MFAP1: variants seen among roughly 807,000 people sequenced by gnomAD.
MFAP1 encodes microfibrillar-associated protein 1.
MFAP1 carries 18 observed loss-of-function variants against 62.2 expected under a neutral mutation model. That is an observed-to-expected ratio of 0.29 (90% CI 0.20 to 0.43). MFAP1 has a LOEUF of 0.43. Ranked by LOEUF, MFAP1 falls within the 20% of genes least tolerant of loss-of-function variation. The probability of loss-of-function intolerance (pLI) is 1.00; values close to 1 mark genes in which losing one functional copy is unlikely to be tolerated. For synonymous variants in MFAP1, 175 were observed against 180.4 expected, an observed-to-expected ratio of 0.97 and a Z score of 0.24; for missense variants, 355 against 559.7, an observed-to-expected ratio of 0.63 and a Z score of 3.69.
At chr15:43,819,399 C>T (rs1272778613) in intron 1 of MFAP1, among the ~76,000 whole-genome samples, 1 of 152,162 alleles carries the variant, frequency 6.6e-6, no homozygotes, top group Non-Finnish European at 1.5e-5. Flanking sequence ...GCCTCAGTCT[C>T]CCAAAGTGCT....
intron 4 of MFAP1, 140 bp downstream of exon 4, chr15:43,814,359 GTC>G (rs1253778564): frequency 1.2e-6 from 1 of 838,376 alleles, no homozygotes; most frequent in Non-Finnish European, 1.8e-6. Context: ...TCAGCAGCTA[GTC>G]TGCCAAGGGT....
Position 43,815,063 on chromosome 15 carries a change from T to C in MFAP1, c.311A>G (p.His104Arg), listed in dbSNP as rs1401519790. Residue 104 changes from histidine to arginine, a missense_variant, in exon 3 of 9, where the codon CAT becomes CGT. His to Arg is a conservative substitution (Grantham distance 29). This residue lies in a region of MFAP1 where 257 missense variants were observed against 341.3 expected (regional missense o/e 0.75). Transcript: ENST00000267812. ...SEDVEERLARHRKIVEPEVVG... is the reference protein window; with the variant it reads ...SEDVEERLARRRKIVEPEVVG... ...CACTTCAGGTTCCACTATTTTTCGA[T>C]GTCGAGCCAATCTGAAAAACAGTAT... is the stretch of plus-strand genomic sequence containing the variant. 1.2e-6 allele frequency: 2 copies of C among 1,614,112 alleles called. No individual in the cohort carries two copies. The highest frequency in any genetic ancestry group is 1.1e-5 in the South Asian group (1 of 91,060).
At chr15:43,816,661 T>C (rs937006370) in intron 2 of MFAP1, among the ~76,000 whole-genome samples, 10 of 152,186 alleles carry the variant, frequency 6.6e-5, no homozygotes, top group Admixed American at 1.3e-4. Flanking sequence ...CCAGGAGCTC[T>C]GTGAAAAAAC....
At position 43,805,469 on chromosome 15, in the gene MFAP1, T is replaced by C; in HGVS notation, c.1048-4A>G. 1 of 1,596,414 alleles carries C rather than the reference T, an allele frequency of 6.3e-7. No individual in the cohort carries two copies. Among genetic ancestry groups the C allele is most frequent in the Non-Finnish European group, 8.5e-7 (1 of 1,175,320 alleles). ...TGTATACTTCTTCATCCTCATCCTGTATAAAAAAAATCTTATCAATCTTGT... is the reference window on the plus strand; with the variant it reads ...TGTATACTTCTTCATCCTCATCCTGCATAAAAAAAATCTTATCAATCTTGT... On this transcript the variant is annotated splice_polypyrimidine_tract_variant and splice_region_variant and intron_variant, in intron 7 of 8. Coordinates refer to ENST00000267812, the MANE Select transcript of MFAP1 (RefSeq NM_005926.3).
In MFAP1 at chr15:43,817,438, T is replaced by G. The variant is rs771129675; in HGVS notation, c.90A>C (p.Ser30=). 1 of 1,614,180 alleles carries G rather than the reference T, an allele frequency of 6.2e-7. No homozygotes were observed. Among genetic ancestry groups the G allele is most frequent in the South Asian group, 1.1e-5 (1 of 91,082 alleles). Residue 30 remains serine (S), a synonymous_variant, in exon 2 of 9, where the codon TCA becomes TCC. Coordinates refer to ENST00000267812, the MANE Select transcript of MFAP1 (RefSeq NM_005926.3). ...VPVRNEKGEI[S]MEKVKVKRYV... Reference sequence around the variant, plus strand: ...AACGCTTTACCTTCACTTTTTCCATTGAAATCTCACCTGGGCGAGAAAGGT... The same window carrying G: ...AACGCTTTACCTTCACTTTTTCCATGGAAATCTCACCTGGGCGAGAAAGGT...
At chr15:43,806,998 T>G (rs1327958628) in intron 7 of MFAP1, among the ~76,000 whole-genome samples, 1 of 152,188 alleles carries the variant, frequency 6.6e-6, no homozygotes, top group African/African-American at 2.4e-5. Context: ...TGATGCTTTC[T>G]GCCTCCACTC....
intron 2 of MFAP1, among the ~76,000 whole-genome samples, chr15:43,815,545 C>T (rs2087429157): frequency 1.3e-5 from 2 of 151,844 alleles, no homozygotes; most frequent in Non-Finnish European, 2.9e-5. Flanking sequence ...GATGTCAGAG[C>T]GAATAGTCAA....
chr15:43,809,914 C>A lies in MFAP1; in HGVS notation c.888G>T (p.Ala296=), dbSNP rs763245535. The A allele has an allele frequency of 1.9e-6, 3 of 1,614,154 alleles. No homozygotes were observed. Among genetic ancestry groups the A allele is most frequent in the Non-Finnish European group, 2.5e-6 (3 of 1,180,020 alleles). ...CAATTTCTGCTTTCTCCTTCTCAAGCCTGTCCAGGGAGCAAAACAATTTAT... is the reference window on the plus strand; with the variant it reads ...CAATTTCTGCTTTCTCCTTCTCAAGACTGTCCAGGGAGCAAAACAATTTAT... ...RIKRDREDRE[A]LEKEKAEIER... The change falls in exon 7 of 9, where the codon GCG becomes GCT. Residue 296 remains alanine (A), a splice_region_variant and synonymous_variant. Coordinates refer to ENST00000267812, the MANE Select transcript of MFAP1 (RefSeq NM_005926.3).
At position 43,815,167 on chromosome 15, in the gene MFAP1, C is replaced by T. The variant is rs939877542; in HGVS notation, c.300-93G>A. 3.2e-5 allele frequency: 49 copies of T among 1,526,534 alleles called. No homozygotes were observed. The East Asian group carries it at 1.0e-3, about 32-fold the overall frequency. 94.6% of individuals were successfully genotyped at this position (1,526,534 alleles called of 1,614,324 possible). ...ATAGCCACAGAGCACATTATGTTTG[C>T]CTTCATTAATACTGAAGTTTTTTTT... On this transcript the variant is annotated intron_variant, in intron 2 of 8. Coordinates refer to ENST00000267812, the MANE Select transcript of MFAP1 (RefSeq NM_005926.3).
intron 6 of MFAP1, among the ~76,000 whole-genome samples, chr15:43,811,079 T>TA (rs1322447068): frequency 1.3e-5 from 2 of 149,742 alleles, no homozygotes; most frequent in South Asian, 2.2e-4. Context: ...AAAGGGCACT[T>TA]AGACTCCTAC....
intron 7 of MFAP1, among the ~76,000 whole-genome samples, chr15:43,808,084 G>C (rs35822148): frequency 0.11 from 17,334 of 152,272 alleles, 1,341 homozygotes; most frequent in Middle Eastern, 0.2. Flanking sequence ...AGGCAGCAGT[G>C]AGCCATGACT....
At chr15:43,806,399 A>C (rs2087365935) in intron 7 of MFAP1, among the ~76,000 whole-genome samples, 1 of 152,194 alleles carries the variant, frequency 6.6e-6, no homozygotes, top group African/African-American at 2.4e-5. Flanking sequence ...ACCTAGATTC[A>C]AAACTGAGTA....
intron 1 of MFAP1, among the ~76,000 whole-genome samples, chr15:43,821,450 C>T (rs1190960774): frequency 4.1e-5 from 4 of 97,684 alleles, no homozygotes; most frequent in Non-Finnish European, 8.1e-5. Context: ...CTGATGGGGG[C>T]GGGGAAGGAG....
chr15:43,820,553 T>TA lies in MFAP1; in HGVS notation c.80-3106dup, dbSNP rs1405930949. 6.6e-5 allele frequency among the ~76,000 whole-genome samples: 10 copies of TA among 152,330 alleles called. 1 individual carries two copies. The East Asian group carries it at 1.4e-3, about 21-fold the overall frequency. On this transcript the variant is annotated intron_variant, in intron 1 of 8. Coordinates refer to ENST00000267812, the MANE Select transcript of MFAP1 (RefSeq NM_005926.3). ...AAATGCTAGATAAAAAACTTATTTA[T>TA]AAAAATAAGCATACCTGTACATTAG...
chr15:43,813,311 G>C lies in MFAP1; in HGVS notation c.664C>G (p.Gln222Glu). The change falls in exon 5 of 9, where the codon CAG (glutamine) becomes GAG (glutamate). Residue 222 changes from glutamine to glutamate, a missense_variant. Gln to Glu is a conservative substitution (Grantham distance 29, BLOSUM62 2). This residue lies in a region of MFAP1 where 257 missense variants were observed against 341.3 expected (regional missense o/e 0.75). Coordinates refer to ENST00000267812, the MANE Select transcript of MFAP1 (RefSeq NM_005926.3). ...VQEREAEALK[Q>E]KELEQEAKRM... ...TTTGCTTCCTGCTCCAGCTCCTTCTGTTTCAATGCTTCGGCTTCACGTTCT... is the reference window on the plus strand; with the variant it reads ...TTTGCTTCCTGCTCCAGCTCCTTCTCTTTCAATGCTTCGGCTTCACGTTCT... 1 of 1,611,414 alleles carries C rather than the reference G, an allele frequency of 6.2e-7. No homozygotes were observed. Among genetic ancestry groups the C allele is most frequent in the Non-Finnish European group, 8.5e-7 (1 of 1,179,426 alleles).
chr15:43,824,532 A>G lies in MFAP1; in HGVS notation c.38T>C (p.Ile13Thr). The G allele has an allele frequency of 3.1e-6, 5 of 1,614,128 alleles. No homozygotes were observed. The highest frequency in any genetic ancestry group is 4.2e-6 in the Non-Finnish European group (5 of 1,180,022). The change falls in exon 1 of 9, where the codon ATT becomes ACT. Residue 13 changes from isoleucine (I) to threonine (T), a missense_variant. Physicochemically the swap from Ile to Thr is moderately conservative, Grantham distance 89. Around this residue, in one of 6 missense-constraint regions of MFAP1, gnomAD observed 29 missense variants for 46.0 expected, o/e 0.63. Coordinates refer to ENST00000267812, the MANE Select transcript of MFAP1 (RefSeq NM_005926.3). ...VPSALMKQPP[I>T]QSTAGAVPVR... ...TGGGACGGCCCCAGCCGTAGACTGA[A>G]TGGGCGGTTGCTTCATGAGAGCGCT...
In MFAP1 at chr15:43,805,449, ACTT is replaced by A; in HGVS notation, c.1061_1063del (p.Glu354del). On this transcript the variant is annotated inframe_deletion, in exon 8 of 9. Transcript: ENST00000267812. ...AGGAGCGCTGAAATCTCTCTTGTATACTTCTTCATCCTCATCCTGTATAAAAAA... is the reference window on the plus strand; with the variant it reads ...AGGAGCGCTGAAATCTCTCTTGTATACTTCATCCTCATCCTGTATAAAAAA... 1 of 1,612,444 alleles carries A rather than the reference ACTT, an allele frequency of 6.2e-7. No homozygotes were observed. The highest frequency in any genetic ancestry group is 8.5e-7 in the Non-Finnish European group (1 of 1,179,568).
At chr15:43,823,836 A>G (rs1375446890) in intron 1 of MFAP1, among the ~76,000 whole-genome samples, 1 of 152,200 alleles carries the variant, frequency 6.6e-6, no homozygotes, top group Non-Finnish European at 1.5e-5. Context: ...TGTTGAGACT[A>G]GATACGGCGG....
chr15:43,817,755 A>G (rs2087442992), intron 1 of MFAP1, among the ~76,000 whole-genome samples: 3 of 152,230 alleles, frequency 2.0e-5, no homozygotes, highest in Admixed American at 1.3e-4. Flanking sequence ...GACTGCATCC[A>G]TCACAAATTC....
Sources: allele counts gnomAD v4.1 joint callset (sites outside exome capture counted in the v4.1 genomes callset), GRCh38; gene constraint gnomAD v4.1.1; regional missense constraint gnomAD v4.1.1; transcripts MANE v1.5; gene names NCBI Gene and HGNC (gene_info 2026-07-23, HGNC 2026-07-21).